DEPTOR: variants seen among roughly 807,000 people sequenced by gnomAD.
DEPTOR encodes DEP domain containing MTOR interacting protein, also known as DEP domain-containing mTOR-interacting protein.
Under a neutral mutation model 41.6 loss-of-function variants are expected in DEPTOR, and 41 were observed. The ratio of observed to expected loss-of-function variants is 0.98; its 90% CI spans 0.77 to 1.28. The LOEUF is 1.28. DEPTOR is among the 50% of genes most tolerant of loss of function. DEPTOR has a pLI of 0.00. For synonymous variants in DEPTOR, 195 were observed against 192.3 expected, an observed-to-expected ratio of 1.01 and a Z score of -0.12; for missense variants, 514 against 527.9, an observed-to-expected ratio of 0.97 and a Z score of 0.26.
intron 4 of DEPTOR, among the ~76,000 whole-genome samples, chr8:119,972,622 C>CAAAAAAAA (rs59750717): frequency 1.4e-5 from 2 of 138,340 alleles, no homozygotes; most frequent in Non-Finnish European, 1.6e-5. Flanking sequence ...GACTCTGTCT[C>CAAAAAAAA]AAAAAAAAAA....
Position 119,965,252 on chromosome 8 carries a change from C to A in DEPTOR, c.446C>A (p.Thr149Lys), listed in dbSNP as rs781611272. 1.2e-6 allele frequency: 2 copies of A among 1,613,262 alleles called. No individual in the cohort carries two copies. Among genetic ancestry groups the A allele is most frequent in the Admixed American group, 1.7e-5 (1 of 59,776 alleles). ...CCCAGGCTGATGAGCCCTGAAAACA[C>A]ACTCCTGCAGCCCAGGGAGGAGGAA... ...LYEKLMSPEN[T>K]LLQPREEEGV... is the part of the protein sequence containing the mutation. The change falls in exon 4 of 9, where the codon ACA (threonine) becomes AAA (lysine). Residue 149 changes from threonine to lysine, a missense_variant. By Grantham distance (78) the Thr-to-Lys change is moderately conservative. Transcript: ENST00000286234.
intron 4 of DEPTOR, among the ~76,000 whole-genome samples, chr8:119,977,828 C>CT (rs938249416): frequency 3.3e-5 from 5 of 150,660 alleles, no homozygotes; most frequent in African/African-American, 4.9e-5. Flanking sequence ...TTCTCTCTCT[C>CT]TTTTTTTTAA....
intron 3 of DEPTOR, among the ~76,000 whole-genome samples, chr8:119,955,024 A>G (rs923693164): frequency 2.6e-5 from 4 of 151,954 alleles, no homozygotes; most frequent in African/African-American, 9.7e-5. Flanking sequence ...ACACTTGGCT[A>G]ATTTTGTATT....
At chr8:119,937,474 A>T (rs1334167721) in intron 3 of DEPTOR, among the ~76,000 whole-genome samples, 1 of 152,224 alleles carries the variant, frequency 6.6e-6, no homozygotes, top group Non-Finnish European at 1.5e-5. Context: ...GTGGTTACAT[A>T]TAATTTTAGA....
chr8:120,001,848 AAATT>A, intron 5 of DEPTOR, 138 bp downstream of exon 5: 1 of 1,085,262 alleles, frequency 9.2e-7, no homozygotes, highest in South Asian at 2.5e-5. Context: ...AGCATGAAAA[AAATT>A]CTGAAACCCT....
At chr8:120,020,090 CTTGT>C (rs1027298201) in intron 8 of DEPTOR, among the ~76,000 whole-genome samples, 5 of 151,714 alleles carry the variant, frequency 3.3e-5, no homozygotes, top group African/African-American at 7.3e-5. Flanking sequence ...TTTGTTTTTT[CTTGT>C]TTGTTTGTTT....
At chr8:119,952,140 A>C (rs1828360960) in intron 3 of DEPTOR, among the ~76,000 whole-genome samples, 2 of 152,160 alleles carry the variant, frequency 1.3e-5, no homozygotes, top group South Asian at 4.1e-4. Flanking sequence ...TGTCTCAAAA[A>C]AAAAGAGGAA....
chr8:119,990,727 A>G (rs967415267), intron 4 of DEPTOR, among the ~76,000 whole-genome samples: 7 of 152,242 alleles, frequency 4.6e-5, no homozygotes, highest in Non-Finnish European at 7.3e-5. Flanking sequence ...ATATCAGTTA[A>G]TAGGACTTTA....
In DEPTOR at chr8:120,038,117, A is replaced by T. The variant is rs539914397; in HGVS notation, c.1102-11459A>T. Reference sequence around the variant, plus strand: ...CCCCTGTCTCTACTAAAACACAAAAAAATTAGCCAGATGTGGTGGTGCACA... The same window carrying T: ...CCCCTGTCTCTACTAAAACACAAAATAATTAGCCAGATGTGGTGGTGCACA... On this transcript the variant is annotated intron_variant, in intron 8 of 8. Coordinates refer to ENST00000286234, the MANE Select transcript of DEPTOR (RefSeq NM_022783.4). 1.3e-3 allele frequency among the ~76,000 whole-genome samples: 195 copies of T among 150,684 alleles called. 2 individuals are homozygous for T. The highest frequency in any genetic ancestry group is 2.4e-3 in the Non-Finnish European group (165 of 67,788).
intron 8 of DEPTOR, among the ~76,000 whole-genome samples, chr8:120,041,134 T>G (rs919212669): frequency 2.0e-5 from 3 of 152,208 alleles, no homozygotes; most frequent in Non-Finnish European, 4.4e-5. Context: ...GGTATTGACA[T>G]GAATGCAACA....
At chr8:120,037,243 T>C (rs1812991769) in intron 8 of DEPTOR, among the ~76,000 whole-genome samples, 1 of 152,204 alleles carries the variant, frequency 6.6e-6, no homozygotes, top group South Asian at 2.1e-4. Flanking sequence ...TAATTAGAGT[T>C]GATCCTCATA....
chr8:119,954,425 G>A (rs1383283211), intron 3 of DEPTOR, among the ~76,000 whole-genome samples: 1 of 152,162 alleles, frequency 6.6e-6, no homozygotes, highest in Non-Finnish European at 1.5e-5. Flanking sequence ...GGATTAAGGT[G>A]TGAGCCAGCA....
intron 4 of DEPTOR, among the ~76,000 whole-genome samples, chr8:120,000,452 CA>C (rs1362560211): frequency 6.6e-6 from 1 of 152,000 alleles, no homozygotes; most frequent in Non-Finnish European, 1.5e-5. Flanking sequence ...ATAATTATTT[CA>C]AAATAAGAAG....
intron 8 of DEPTOR, among the ~76,000 whole-genome samples, chr8:120,028,715 G>A (rs557322270): frequency 2.0e-5 from 3 of 150,688 alleles, no homozygotes; most frequent in African/African-American, 7.3e-5. Context: ...CACCCACCTC[G>A]GCCTCCCAAA....
intron 8 of DEPTOR, among the ~76,000 whole-genome samples, chr8:120,032,262 A>G (rs1489141829): frequency 7.7e-6 from 1 of 130,264 alleles, no homozygotes; most frequent in Non-Finnish European, 1.5e-5. Flanking sequence ...TCTGTCACCC[A>G]GGTTGGAGAG....
intron 8 of DEPTOR, among the ~76,000 whole-genome samples, chr8:120,014,653 G>A (rs1812583118): frequency 2.0e-5 from 3 of 151,690 alleles, no homozygotes; most frequent in Non-Finnish European, 2.9e-5. Flanking sequence ...TGAGCCTCCC[G>A]AGTAGCTGGG....
chr8:120,048,394 G>T (rs1813184402), intron 8 of DEPTOR, among the ~76,000 whole-genome samples: 1 of 152,204 alleles, frequency 6.6e-6, no homozygotes, highest in Non-Finnish European at 1.5e-5. Context: ...CTGTGGCCTA[G>T]TTCAGGATAG....
chr8:120,002,924 A>G, intron 5 of DEPTOR, 53 bp from the exon 6 acceptor site: 1 of 1,537,878 alleles, frequency 6.5e-7, no homozygotes, highest in South Asian at 1.2e-5. Flanking sequence ...TATGTGCTCT[A>G]GTGAGCCGAG....
At chr8:119,985,924 T>C (rs1358948666) in intron 4 of DEPTOR, among the ~76,000 whole-genome samples, 3 of 144,646 alleles carry the variant, frequency 2.1e-5, no homozygotes, top group Non-Finnish European at 4.5e-5. Flanking sequence ...TGTGTGTCTT[T>C]GCACATGAGA....
Sources: allele counts gnomAD v4.1 joint callset (sites outside exome capture counted in the v4.1 genomes callset), GRCh38; gene constraint gnomAD v4.1.1; transcripts MANE v1.5; gene names NCBI Gene and HGNC (gene_info 2026-07-23, HGNC 2026-07-21).